The following WNT7A variants were observed in gnomAD, a reference collection of about 807,000 sequenced individuals.
The protein encoded by WNT7A is protein Wnt-7a.
WNT7A carries 16 observed loss-of-function variants against 28.2 expected under a neutral mutation model. The observed-to-expected ratio is 0.57, with a 90% CI of 0.38 to 0.86. WNT7A has a LOEUF of 0.86. WNT7A is among the 40% of genes least tolerant of loss of function. The pLI, the probability that WNT7A is intolerant of heterozygous loss-of-function variation, is 0.00. For missense variants in WNT7A, 411 were observed against 489.7 expected (o/e 0.84, Z 1.52); for synonymous variants, 190 against 195.9 (o/e 0.97, Z 0.25).
intron 2 of WNT7A, among the ~76,000 whole-genome samples, chr3:13,864,093 G>A (rs920907975): frequency 3.3e-5 from 5 of 152,148 alleles, no homozygotes; most frequent in African/African-American, 1.2e-4. Context: ...CCAAACAGGA[G>A]GTCGTGAGCA....
intron 3 of WNT7A, among the ~76,000 whole-genome samples, chr3:13,839,762 T>A (rs1694427194): frequency 6.6e-6 from 1 of 152,152 alleles, no homozygotes; most frequent in South Asian, 2.1e-4. Flanking sequence ...GCACTAAATA[T>A]AGAAATGGTG....
intron 2 of WNT7A, among the ~76,000 whole-genome samples, chr3:13,868,700 GAAA>G (rs1694961277): frequency 1.1e-5 from 1 of 87,838 alleles, no homozygotes; most frequent in African/African-American, 5.3e-5. Flanking sequence ...GAGAAAGAAA[GAAA>G]GAAAGAAAGA....
chr3:13,818,962 C>T lies in WNT7A; in HGVS notation c.1032G>A (p.Glu344=), dbSNP rs897161195. The part of the protein sequence containing the change: ...VKCNTCSERT[E]MYTCK ...ACGGGGCTCACTTGCACGTGTACATCTCCGTGCGCTCGCTGCACGTGTTGC... is the reference window on the plus strand; with the variant it reads ...ACGGGGCTCACTTGCACGTGTACATTTCCGTGCGCTCGCTGCACGTGTTGC... Residue 344 remains glutamate, a synonymous_variant, in exon 4 of 4, where the codon GAG becomes GAA. Transcript: ENST00000285018. 1 of 1,583,978 alleles carries T rather than the reference C, an allele frequency of 6.3e-7. No individual in the cohort carries two copies. Among genetic ancestry groups the T allele is most frequent in the Non-Finnish European group, 8.6e-7 (1 of 1,160,630 alleles).
chr3:13,849,982 T>G (rs533834822), intron 3 of WNT7A, among the ~76,000 whole-genome samples: 2 of 152,282 alleles, frequency 1.3e-5, no homozygotes, highest in East Asian at 3.9e-4. Flanking sequence ...ATGTCAGACC[T>G]GGAGACCCTC....
At chr3:13,833,716 T>C (rs1230295355) in intron 3 of WNT7A, among the ~76,000 whole-genome samples, 1 of 152,142 alleles carries the variant, frequency 6.6e-6, no homozygotes, top group African/African-American at 2.4e-5. Context: ...GGTGAGGCAA[T>C]TGGGTAACCC....
rs560220735 is a variant in WNT7A at position 13,821,760 on chromosome 3, C to T, written c.571-2337G>A. 1.2e-3 allele frequency among the ~76,000 whole-genome samples: 178 copies of T among 152,282 alleles called. 6 individuals are homozygous for T. The highest frequency in any genetic ancestry group is 1.0e-4 in the Non-Finnish European group (7 of 68,028). ...AGGAGCCCATCCACCAATATCAAGA[C>T]AAGGTTATTCCCAGGGCGGGGAGGG... On this transcript the variant is annotated intron_variant, in intron 3 of 3. Coordinates refer to ENST00000285018, the MANE Select transcript of WNT7A (RefSeq NM_004625.4).
Position 13,854,652 on chromosome 3 carries a change from A to G in WNT7A, c.450T>C (p.Gly150=). 1.9e-6 allele frequency: 3 copies of G among 1,613,234 alleles called. No homozygotes were observed. The highest frequency in any genetic ancestry group is 2.5e-6 in the Non-Finnish European group (3 of 1,179,818). The stretch of plus-strand genomic sequence containing the variant: ...CGTAGCGGATGTCGGCAGAGCAGCC[A>G]CCCCACTTCCAGCCCTCGTCCCGGT... The part of the protein sequence containing the change: ...QYHRDEGWKW[G]GCSADIRYGI... Residue 150 remains glycine, a synonymous_variant, in exon 3 of 4, where the codon GGT becomes GGC. Coordinates refer to ENST00000285018, the MANE Select transcript of WNT7A (RefSeq NM_004625.4).
chr3:13,823,207 T>C (rs1309786127), intron 3 of WNT7A, among the ~76,000 whole-genome samples: 1 of 152,116 alleles, frequency 6.6e-6, no homozygotes, highest in Non-Finnish European at 1.5e-5. Flanking sequence ...CCCTACTGCT[T>C]GAGGCCAGGC....
In WNT7A at chr3:13,818,801, G is replaced by T. The variant is rs1694060640; in HGVS notation, c.*143C>A. 1.6e-6 allele frequency: 2 copies of T among 1,279,938 alleles called. No individual in the cohort carries two copies. Among genetic ancestry groups the T allele is most frequent in the Non-Finnish European group, 2.1e-6 (2 of 961,102 alleles). The allele number at this position is 1,279,938 out of a possible 1,614,324, so 79.3% of individuals were successfully genotyped here. A position where few individuals can be genotyped will look rare whatever the true frequency, so the allele number is the denominator to read the frequency against. On this transcript the variant is annotated 3_prime_UTR_variant, in exon 4 of 4. Transcript: ENST00000285018. ...TCTGAGAGATTTTTTTTCCCCCACG[G>T]ATGCCTGCAGGAAACCCAGGAAAAG...
At chr3:13,868,816 GAGAGAGAGAA>G (rs1694973168) in intron 2 of WNT7A, among the ~76,000 whole-genome samples, 3 of 33,134 alleles carry the variant, frequency 9.1e-5, no homozygotes, top group Non-Finnish European at 1.7e-4. Context: ...AAGAAAGAGA[GAGAGAGAGAA>G]AGAGAGAAAG....
chr3:13,876,506 G>A (rs1695113231), intron 1 of WNT7A, among the ~76,000 whole-genome samples: 1 of 152,210 alleles, frequency 6.6e-6, no homozygotes, highest in African/African-American at 2.4e-5. Flanking sequence ...TGGCTTGGTG[G>A]CAGTGGTAGG....
rs531372214 is a variant in WNT7A at position 13,816,512 on chromosome 3, A to G, written c.*2432T>C. On this transcript the variant is annotated 3_prime_UTR_variant, in exon 4 of 4. Transcript: ENST00000285018. ...ACACTCATCTGGGGAGGCTGGTCAG[A>G]ATCTCCCCCATTCCCAGGTGCCAAG... 1 of 152,468 alleles carries G rather than the reference A, an allele frequency of 6.6e-6. No homozygotes were observed. Among genetic ancestry groups the G allele is most frequent in the African/African-American group, 2.4e-5 (1 of 41,562 alleles). 9.4% of individuals were successfully genotyped at this position (152,468 alleles called of 1,614,324 possible). A position where few individuals can be genotyped will look rare whatever the true frequency, so the allele number is the denominator to read the frequency against.
chr3:13,856,899 G>GAAGAAGAAGAAA (rs1694743955), intron 2 of WNT7A, among the ~76,000 whole-genome samples: 1 of 46,516 alleles, frequency 2.1e-5, no homozygotes, highest in Admixed American at 2.1e-4. Flanking sequence ...AGAAAAAGAA[G>GAAGAAGAAGAAA]AAGAAGAAGA....
At chr3:13,834,821 C>A (rs887881429) in intron 3 of WNT7A, among the ~76,000 whole-genome samples, 4 of 152,212 alleles carry the variant, frequency 2.6e-5, no homozygotes, top group Non-Finnish European at 5.9e-5. Context: ...TGTGACACAG[C>A]ACACGTTTTA....
At chr3:13,867,948 G>A (rs547933907) in intron 2 of WNT7A, among the ~76,000 whole-genome samples, 1 of 152,304 alleles carries the variant, frequency 6.6e-6, no homozygotes, top group South Asian at 2.1e-4. Flanking sequence ...CCCAGTGTTG[G>A]AGCTGTGCTT....
chr3:13,818,759 A>C lies in WNT7A; in HGVS notation c.*185T>G. The C allele has an allele frequency of 2.2e-6, 2 of 907,354 alleles. No individual in the cohort carries two copies. Among genetic ancestry groups the C allele is most frequent in the Non-Finnish European group, 3.2e-6 (2 of 628,150 alleles). The allele number at this position is 907,354 out of a possible 1,614,324, so 56.2% of individuals were successfully genotyped here. On this transcript the variant is annotated 3_prime_UTR_variant, in exon 4 of 4. Coordinates refer to ENST00000285018, the MANE Select transcript of WNT7A (RefSeq NM_004625.4). ...AGGGTGGAGCAGCATTGGGTGTGGA[A>C]CAGAATAGTTGAGGGCTCTGAGAGA...
intron 1 of WNT7A, among the ~76,000 whole-genome samples, chr3:13,877,886 A>G (rs1214047474): frequency 2.0e-5 from 3 of 152,240 alleles, no homozygotes; most frequent in Non-Finnish European, 2.9e-5. Flanking sequence ...AGAATACCGC[A>G]GATGCCCCAC....
At chr3:13,858,129 G>A (rs1476579514) in intron 2 of WNT7A, among the ~76,000 whole-genome samples, 1 of 152,186 alleles carries the variant, frequency 6.6e-6, no homozygotes, top group Non-Finnish European at 1.5e-5. Flanking sequence ...CCCGGCCTCT[G>A]GGCACCCCAT....
intron 3 of WNT7A, among the ~76,000 whole-genome samples, chr3:13,843,245 C>T (rs1694490548): frequency 6.6e-6 from 1 of 152,210 alleles, no homozygotes; most frequent in South Asian, 2.1e-4. Context: ...ACTACTACTA[C>T]TGATACTAAC....
Sources: gnomAD v4.1 joint callset for allele counts (sites outside exome capture counted in the v4.1 genomes callset) on GRCh38, gnomAD v4.1.1 for gene constraint, MANE v1.5 for transcripts, NCBI Gene and HGNC (gene_info 2026-07-23, HGNC 2026-07-21) for gene names.